RAB27B: variants seen among roughly 807,000 people sequenced by gnomAD.
The protein encoded by RAB27B is RAB27B, member RAS oncogene family.
In RAB27B, 15 loss-of-function variants were observed where a neutral mutation model predicts 24.6. The observed-to-expected ratio is 0.61, with a 90% CI of 0.41 to 0.94. The LOEUF (loss-of-function observed/expected upper bound fraction) is 0.94. RAB27B is among the 40% of genes least tolerant of loss of function. The pLI, the probability that RAB27B is intolerant of heterozygous loss-of-function variation, is 0.00. For synonymous variants in RAB27B, 105 were observed against 92.5 expected (o/e 1.14, Z -0.78); for missense variants, 261 against 266.8 (o/e 0.98, Z 0.15).
chr18:54,754,239 C>A (rs1833302), intron 2 of RAB27B, among the ~76,000 whole-genome samples: 95,192 of 151,836 alleles, frequency 0.63, 30,921 homozygotes, highest in Non-Finnish European at 0.73. Context: ...CTCTCTTGTT[C>A]TCTCTCTCGT....
upstream of RAB27B, chr18:54,828,119 A>C (rs549889443): frequency 6.6e-6 from 1 of 152,208 alleles, no homozygotes; most frequent in East Asian, 1.9e-4. Context: ...CCCCACTCGC[A>C]ATCCCTCGCC....
At chr18:54,779,429 C>T (rs1009597799) in intron 2 of RAB27B, among the ~76,000 whole-genome samples, 3 of 152,134 alleles carry the variant, frequency 2.0e-5, no homozygotes, top group Non-Finnish European at 2.9e-5. Flanking sequence ...CATTGAGAAT[C>T]CCACATCCAG....
At chr18:54,776,313 CAAT>C (rs1908714496) in intron 2 of RAB27B, among the ~76,000 whole-genome samples, 1 of 152,196 alleles carries the variant, frequency 6.6e-6, no homozygotes, top group South Asian at 2.1e-4. Flanking sequence ...TCTGAGGCCT[CAAT>C]AAAATCAAGC....
intron 2 of RAB27B, among the ~76,000 whole-genome samples, chr18:54,773,146 C>T (rs935644869): frequency 6.6e-6 from 1 of 152,012 alleles, no homozygotes; most frequent in South Asian, 2.1e-4. Flanking sequence ...ATTGAGCAGA[C>T]ATTAGCTTTG....
At chr18:54,782,871 T>C (rs540435566) in intron 2 of RAB27B, among the ~76,000 whole-genome samples, 3 of 152,112 alleles carry the variant, frequency 2.0e-5, no homozygotes, top group Non-Finnish European at 4.4e-5. Flanking sequence ...CAGAACCCTG[T>C]ACAAAAACAG....
intron 2 of RAB27B, among the ~76,000 whole-genome samples, chr18:54,762,082 G>A (rs192335248): frequency 2.0e-5 from 3 of 152,300 alleles, no homozygotes; most frequent in African/African-American, 7.2e-5. Flanking sequence ...GCGTCTACAA[G>A]CCAAGGAACA....
At chr18:54,734,965 A>G (rs1217030462) in intron 2 of RAB27B, among the ~76,000 whole-genome samples, 1 of 152,178 alleles carries the variant, frequency 6.6e-6, no homozygotes, top group African/African-American at 2.4e-5. Context: ...ATAACACATT[A>G]ATTAATAAGA....
chr18:54,853,541 A>G (rs1169411916), intron 1 of RAB27B, among the ~76,000 whole-genome samples: 2 of 152,214 alleles, frequency 1.3e-5, no homozygotes, highest in Non-Finnish European at 2.9e-5. Flanking sequence ...CAACAAGGAA[A>G]TTGTAAGTAT....
chr18:54,885,360 A>G (rs1356200786), intron 4 of RAB27B, among the ~76,000 whole-genome samples: 2 of 152,094 alleles, frequency 1.3e-5, no homozygotes, highest in Admixed American at 1.3e-4. Flanking sequence ...CTTACCCGGA[A>G]TAAAATCCAG....
chr18:54,830,762 C>T (rs114357680), intron 1 of RAB27B, among the ~76,000 whole-genome samples: 1,579 of 152,274 alleles, frequency 0.01, 27 homozygotes, highest in African/African-American at 0.034. Flanking sequence ...ACACCCTTTG[C>T]AATCATTATT....
chr18:54,881,635 G>A (rs2145280418), intron 3 of RAB27B, among the ~76,000 whole-genome samples: 1 of 152,210 alleles, frequency 6.6e-6, no homozygotes, highest in Middle Eastern at 3.4e-3. Context: ...TTTGGAACAT[G>A]GTTTCACTGG....
intron 2 of RAB27B, among the ~76,000 whole-genome samples, chr18:54,762,105 A>G (rs767242852): frequency 6.6e-6 from 1 of 152,202 alleles, no homozygotes; most frequent in Non-Finnish European, 1.5e-5. Context: ...AGAAATTGGC[A>G]GCGTAAGATA....
At chr18:54,811,003 T>G (rs1225809046) in intron 2 of RAB27B, among the ~76,000 whole-genome samples, 1 of 152,084 alleles carries the variant, frequency 6.6e-6, no homozygotes, top group Admixed American at 6.6e-5. Context: ...TCCATTATTA[T>G]TGGTTCTCGA....
intron 1 of RAB27B, among the ~76,000 whole-genome samples, chr18:54,830,635 G>T (rs756407646): frequency 5.3e-5 from 8 of 152,070 alleles, no homozygotes; most frequent in African/African-American, 1.9e-4. Flanking sequence ...TCATTATTAG[G>T]TATATATGGG....
At chr18:54,829,020 A>C (rs962914874) in intron 1 of RAB27B, among the ~76,000 whole-genome samples, 3 of 152,232 alleles carry the variant, frequency 2.0e-5, no homozygotes, top group Non-Finnish European at 4.4e-5. Context: ...TTTCATTTGC[A>C]TCTCAAAAAA....
intron 1 of RAB27B, among the ~76,000 whole-genome samples, chr18:54,864,869 A>C (rs569244009): frequency 1.5e-4 from 23 of 152,274 alleles, no homozygotes; most frequent in African/African-American, 4.8e-4. Flanking sequence ...AGTCAAGATC[A>C]TTTTGGCTAT....
Position 54,894,509 on chromosome 18 carries a change from T to C in RAB27B, c.*5096T>C, listed in dbSNP as rs1324229869. ...TTCCTAGAAAAGTAATAACATATGC[T>C]TATCTTTATTCTTTTTCCAGGTGAT... On this transcript the variant is annotated 3_prime_UTR_variant, in exon 6 of 6. Coordinates refer to ENST00000262094, the MANE Select transcript of RAB27B (RefSeq NM_004163.4). The C allele has an allele frequency of 6.6e-6, 1 of 152,068 alleles. No individual in the cohort carries two copies. The highest frequency in any genetic ancestry group is 1.9e-4 in the East Asian group (1 of 5,190). 9.4% of individuals were successfully genotyped at this position (152,068 alleles called of 1,614,324 possible).
chr18:54,765,197 A>G (rs554304905), intron 2 of RAB27B, among the ~76,000 whole-genome samples: 3 of 152,112 alleles, frequency 2.0e-5, no homozygotes, highest in African/African-American at 7.2e-5. Flanking sequence ...AAATTCCCCC[A>G]ATTCAGTCTT....
At chr18:54,763,085 G>A (rs1908243747) in intron 2 of RAB27B, among the ~76,000 whole-genome samples, 1 of 152,046 alleles carries the variant, frequency 6.6e-6, no homozygotes, top group Admixed American at 6.6e-5. Context: ...TTAAAGCAAC[G>A]CTTAAAGTTT....
Sources: allele counts gnomAD v4.1 joint callset (sites outside exome capture counted in the v4.1 genomes callset), GRCh38; gene constraint gnomAD v4.1.1; transcripts MANE v1.5; gene names NCBI Gene and HGNC (gene_info 2026-07-23, HGNC 2026-07-21).